The following SPATA31F3 variants were observed in gnomAD, a reference collection of about 807,000 sequenced individuals.
SPATA31F3 encodes the protein SPATA31 subfamily F member 3.
At chr9:34,894,403 G>T in the SPATA31F3 span, 1 of 398,506 alleles carries the variant, frequency 2.5e-6, no homozygotes, top group Non-Finnish European at 4.4e-6. Flanking sequence ...TCACAGACCA[G>T]ACTAGCAGCT....
At chr9:34,891,713 T>C in the SPATA31F3 span, among the ~76,000 whole-genome samples, 5 of 152,214 alleles carry the variant, frequency 3.3e-5, no homozygotes, top group Non-Finnish European at 5.9e-5. Context: ...TCTTGAGGAC[T>C]GAAATGGACT....
chr9:34,895,132 C>A, the SPATA31F3 span: 1 of 398,486 alleles, frequency 2.5e-6, no homozygotes, highest in Non-Finnish European at 4.4e-6. Context: ...CCATTTTTTC[C>A]CATATCTAAA....
the SPATA31F3 span, among the ~76,000 whole-genome samples, chr9:34,890,418 T>C: frequency 6.6e-6 from 1 of 152,198 alleles, no homozygotes; most frequent in South Asian, 2.1e-4. Context: ...TTGTTCACTC[T>C]AGCCTCCAGC....
At chr9:34,895,198 A>G in the SPATA31F3 span, 1 of 397,308 alleles carries the variant, frequency 2.5e-6, no homozygotes, top group Admixed American at 4.4e-5. Context: ...AATTTTATAT[A>G]CTCTTCTATC....
the SPATA31F3 span, among the ~76,000 whole-genome samples, chr9:34,891,424 A>C: frequency 6.6e-6 from 1 of 152,226 alleles, no homozygotes; most frequent in Non-Finnish European, 1.5e-5. Context: ...CCTTGGCCTG[A>C]GGAAACAATT....
chr9:34,891,575 G>T, the SPATA31F3 span, among the ~76,000 whole-genome samples: 2 of 152,232 alleles, frequency 1.3e-5, no homozygotes, highest in Non-Finnish European at 1.5e-5. Context: ...GTCACAGGAT[G>T]AACTGGATAG....
the SPATA31F3 span, chr9:34,889,442 C>A: frequency 1.0e-5 from 4 of 398,512 alleles, no homozygotes; most frequent in Non-Finnish European, 1.8e-5. Flanking sequence ...CCTCTGTTGT[C>A]TTCTGTGTTG....
At chr9:34,893,795 G>T in the SPATA31F3 span, among the ~76,000 whole-genome samples, 10 of 152,186 alleles carry the variant, frequency 6.6e-5, no homozygotes, top group South Asian at 2.1e-3. Context: ...GGAGCCAGGC[G>T]GTTAGCTGAT....
At chr9:34,895,120 C>T in the SPATA31F3 span, 5 of 398,424 alleles carry the variant, frequency 1.3e-5, no homozygotes, top group African/African-American at 2.1e-5. Context: ...AAAGCTGCTA[C>T]ACCATTTTTT....
the SPATA31F3 span, among the ~76,000 whole-genome samples, chr9:34,891,897 G>A: frequency 6.6e-6 from 1 of 152,218 alleles, no homozygotes. Context: ...CTTAGCCTGA[G>A]TCAGATATAG....
the SPATA31F3 span, chr9:34,893,117 C>T: frequency 1.1e-5 from 9 of 839,968 alleles, no homozygotes; most frequent in Middle Eastern, 2.3e-4. Context: ...ACACAGGATT[C>T]GCCGCACACT....
At chr9:34,892,320 A>G in the SPATA31F3 span, among the ~76,000 whole-genome samples, 1 of 152,198 alleles carries the variant, frequency 6.6e-6, no homozygotes, top group African/African-American at 2.4e-5. Flanking sequence ...CATGAAACCC[A>G]GAGTCAAAGG....
chr9:34,894,631 T>G, the SPATA31F3 span: 2 of 397,284 alleles, frequency 5.0e-6, no homozygotes, highest in Non-Finnish European at 8.9e-6. Context: ...GTCACATCTG[T>G]GTATAACTTA....
chr9:34,893,338 T>C, the SPATA31F3 span, among the ~76,000 whole-genome samples: 30,765 of 152,118 alleles, frequency 0.2, 3,440 homozygotes, highest in East Asian at 0.48. Flanking sequence ...TAGTGGCTCA[T>C]GCCTCTAATC....
chr9:34,891,208 C>G, the SPATA31F3 span, among the ~76,000 whole-genome samples: 1 of 152,216 alleles, frequency 6.6e-6, no homozygotes, highest in African/African-American at 2.4e-5. Context: ...TCAGAGTGTC[C>G]TTTCCTGATC....
the SPATA31F3 span, chr9:34,892,563 G>A: frequency 2.4e-6 from 1 of 421,932 alleles, no homozygotes; most frequent in Non-Finnish European, 4.2e-6. Flanking sequence ...TGCAATAGCA[G>A]TTGGAAAGGA....
At chr9:34,893,202 C>A in the SPATA31F3 span, 1 of 472,746 alleles carries the variant, frequency 2.1e-6, no homozygotes, top group Non-Finnish European at 3.7e-6. Flanking sequence ...CATCTGCCTT[C>A]TCGGAAAAGT....
the SPATA31F3 span, among the ~76,000 whole-genome samples, chr9:34,890,270 A>C: frequency 2.6e-4 from 39 of 151,984 alleles, no homozygotes; most frequent in African/African-American, 8.5e-4. Flanking sequence ...CTGTCCAGAC[A>C]CCCCCTTCTC....
chr9:34,889,599 A>G, the SPATA31F3 span: 1 of 398,628 alleles, frequency 2.5e-6, no homozygotes, highest in Non-Finnish European at 4.4e-6. Context: ...GTGCAGAAAC[A>G]GCTTCATCTT....
Sources: gnomAD v4.1 joint callset for allele counts (sites outside exome capture counted in the v4.1 genomes callset) on GRCh38, gnomAD v4.1.1 for gene constraint, MANE v1.5 for transcripts, NCBI Gene and HGNC (gene_info 2026-07-23, HGNC 2026-07-21) for gene names.